KCNMA1: variants seen among roughly 807,000 people sequenced by gnomAD.
The protein encoded by KCNMA1 is Calcium-activated potassium channel subunit alpha-1.
KCNMA1 carries 29 observed loss-of-function variants against 140.0 expected under a neutral mutation model. The ratio of observed to expected loss-of-function variants is 0.21; its 90% CI spans 0.15 to 0.28. The LOEUF (loss-of-function observed/expected upper bound fraction) is 0.28. Ranked by LOEUF, KCNMA1 falls within the 10% of genes least tolerant of loss-of-function variation. KCNMA1 has a pLI of 1.00. For missense variants in KCNMA1, 880 were observed against 1,602.2 expected (o/e 0.55, Z 7.70); for synonymous variants, 612 against 611.9 (o/e 1.00, Z 0.00).
At chr10:77,380,571 C>T (rs796217821) in intron 2 of KCNMA1, among the ~76,000 whole-genome samples, 14 of 152,252 alleles carry the variant, frequency 9.2e-5, no homozygotes, top group African/African-American at 3.1e-4. Context: ...TTTCAGGAAA[C>T]GGGCAGAAAA....
At chr10:77,634,454 T>G in intron 1 of KCNMA1, 3 of 985,446 alleles carry the variant, frequency 3.0e-6, no homozygotes, top group Non-Finnish European at 3.6e-6. Flanking sequence ...GTCCACAGTC[T>G]TGGGTTCCTT....
intron 1 of KCNMA1, among the ~76,000 whole-genome samples, chr10:77,406,845 G>A (rs929841174): frequency 2.0e-5 from 3 of 152,090 alleles, no homozygotes; most frequent in South Asian, 4.1e-4. Context: ...TGGCCACCAC[G>A]TGGGGACCTG....
At chr10:77,340,976 C>T (rs1018676932) in intron 2 of KCNMA1, among the ~76,000 whole-genome samples, 1 of 152,014 alleles carries the variant, frequency 6.6e-6, no homozygotes, top group Non-Finnish European at 1.5e-5. Context: ...ACTAGTGCTT[C>T]TCAATGTCCA....
At chr10:76,944,541 A>G (rs1466068422) in intron 23 of KCNMA1, among the ~76,000 whole-genome samples, 1 of 152,160 alleles carries the variant, frequency 6.6e-6, no homozygotes, top group East Asian at 1.9e-4. Flanking sequence ...AGGCTTGTTT[A>G]TCCTCTGGAA....
rs190313228 is a variant in KCNMA1 at position 77,474,948 on chromosome 10, G to A, written c.379-70925C>T. ...CAATTTTGCCCCTGGGTAGCAAGGG[G>A]CAGCCTCAGATCATGAGCCTAGAAG... On this transcript the variant is annotated intron_variant, in intron 1 of 27. Coordinates refer to ENST00000286628, the MANE Select transcript of KCNMA1 (RefSeq NM_001161352.2). Among the ~76,000 whole-genome samples the A allele has an allele frequency of 2.0e-5, 3 of 152,268 alleles. No individual in the cohort carries two copies. The East Asian group carries it at 5.8e-4, about 29-fold the overall frequency.
intron 3 of KCNMA1, among the ~76,000 whole-genome samples, chr10:77,194,909 C>T (rs2039926026): frequency 6.6e-6 from 1 of 152,120 alleles, no homozygotes; most frequent in African/African-American, 2.4e-5. Flanking sequence ...GAACAGAAAA[C>T]AATGTCACAT....
intron 1 of KCNMA1, among the ~76,000 whole-genome samples, chr10:77,444,004 A>G (rs2097468584): frequency 6.6e-6 from 1 of 152,232 alleles, no homozygotes; most frequent in African/African-American, 2.4e-5. Flanking sequence ...ACTATATTAA[A>G]TATCACATGT....
chr10:77,245,906 T>C (rs1344473473), intron 3 of KCNMA1, among the ~76,000 whole-genome samples: 1 of 152,086 alleles, frequency 6.6e-6, no homozygotes, highest in Non-Finnish European at 1.5e-5. Context: ...GAGAAGCTGG[T>C]CTCATCAAGC....
chr10:77,079,343 G>C, intron 13 of KCNMA1, 138 bp downstream of exon 13: 1 of 705,214 alleles, frequency 1.4e-6, no homozygotes. Flanking sequence ...CCAGGTCTTT[G>C]AGTTGCGCAC....
At chr10:77,627,974 C>A (rs1486618669) in intron 1 of KCNMA1, among the ~76,000 whole-genome samples, 6 of 152,290 alleles carry the variant, frequency 3.9e-5, no homozygotes, top group South Asian at 2.1e-4. Context: ...AATCTACAAA[C>A]CTGAAGCCCC....
chr10:76,965,759 A>G (rs1447579352), intron 20 of KCNMA1, among the ~76,000 whole-genome samples: 1 of 152,184 alleles, frequency 6.6e-6, no homozygotes, highest in Non-Finnish European at 1.5e-5. Flanking sequence ...AATGGGGGCA[A>G]GAGTAATAAC....
chr10:77,089,191 G>T (rs2096760298), intron 10 of KCNMA1, among the ~76,000 whole-genome samples: 1 of 152,214 alleles, frequency 6.6e-6, no homozygotes, highest in Non-Finnish European at 1.5e-5. Flanking sequence ...CCCCAACATG[G>T]TGACAAGTCA....
intron 9 of KCNMA1, among the ~76,000 whole-genome samples, chr10:77,094,095 C>T (rs1205989120): frequency 6.6e-6 from 1 of 152,150 alleles, no homozygotes; most frequent in Non-Finnish European, 1.5e-5. Context: ...CCATGGTAAG[C>T]ACTATGAAAT....
chr10:77,588,978 G>A (rs1434015940), intron 1 of KCNMA1, among the ~76,000 whole-genome samples: 4 of 152,246 alleles, frequency 2.6e-5, no homozygotes, highest in Non-Finnish European at 4.4e-5. Flanking sequence ...GAATACTTCA[G>A]ACTGTGCAGG....
chr10:77,297,916 C>T (rs1176315881), intron 2 of KCNMA1, among the ~76,000 whole-genome samples: 1 of 152,156 alleles, frequency 6.6e-6, no homozygotes, highest in African/African-American at 2.4e-5. Context: ...CAAAGGAGTG[C>T]ACACAGTAGA....
At chr10:77,478,653 C>A (rs1305395699) in intron 1 of KCNMA1, among the ~76,000 whole-genome samples, 1 of 152,202 alleles carries the variant, frequency 6.6e-6, no homozygotes, top group Non-Finnish European at 1.5e-5. Flanking sequence ...TGAGGTATTT[C>A]ATTTATGTCT....
At chr10:77,018,052 C>T (rs758111630) in intron 17 of KCNMA1, among the ~76,000 whole-genome samples, 3 of 152,140 alleles carry the variant, frequency 2.0e-5, no homozygotes, top group Admixed American at 6.6e-5. Context: ...TTATGTGCCT[C>T]ATGGCCTTGG....
In KCNMA1 at chr10:77,086,497, T is replaced by C. The variant is rs761129178; in HGVS notation, c.1431A>G (p.Ala477=). ...ACCTCTTCCTCCTTACCTTGACTCT[T>C]GCAAGATCATGTGGATTGAGGACGG... The part of the protein sequence containing the change: ...QGSVLNPHDL[A]RVKIESADAC... Residue 477 remains alanine, a synonymous_variant, in exon 11 of 28, where the codon GCA becomes GCG. Transcript: ENST00000286628. The C allele has an allele frequency of 6.8e-6, 11 of 1,611,316 alleles. No individual in the cohort carries two copies. In the East Asian group the frequency reaches 2.5e-4, roughly 36 times the overall value.
intron 1 of KCNMA1, among the ~76,000 whole-genome samples, chr10:77,614,911 T>G (rs2088775776): frequency 6.6e-6 from 1 of 152,214 alleles, no homozygotes; most frequent in Admixed American, 6.5e-5. Flanking sequence ...ACATATTTGC[T>G]TAACCAAATG....
Sources: gnomAD v4.1 joint callset for allele counts (sites outside exome capture counted in the v4.1 genomes callset) on GRCh38, gnomAD v4.1.1 for gene constraint, MANE v1.5 for transcripts, NCBI Gene and HGNC (gene_info 2026-07-23, HGNC 2026-07-21) for gene names.